FRYL: variants seen among roughly 807,000 people sequenced by gnomAD.
FRYL encodes the protein protein furry homolog-like.
In FRYL, 150 loss-of-function variants were observed where a neutral mutation model predicts 351.2. The ratio of observed to expected loss-of-function variants is 0.43; its 90% CI spans 0.37 to 0.49. The LOEUF (loss-of-function observed/expected upper bound fraction) is 0.49, where lower values mean the gene tolerates loss of function less well. Ranked by LOEUF, FRYL falls within the 20% of genes least tolerant of loss-of-function variation. The pLI, the probability that FRYL is intolerant of heterozygous loss-of-function variation, is 0.00. For missense variants in FRYL, 3,036 were observed against 3,619.3 expected (o/e 0.84, Z 4.13); for synonymous variants, 1,153 against 1,257.1 (o/e 0.92, Z 1.75).
At chr4:48,656,813 T>C (rs1759317628) in intron 3 of FRYL, among the ~76,000 whole-genome samples, 1 of 151,770 alleles carries the variant, frequency 6.6e-6, no homozygotes, top group African/African-American at 2.4e-5. Context: ...AGAGCTTATT[T>C]TGGAAGTTCC....
chr4:48,540,963 T>G lies in FRYL; in HGVS notation c.5688-3A>C. On this transcript the variant is annotated splice_polypyrimidine_tract_variant and splice_region_variant and intron_variant, in intron 45 of 63. Coordinates refer to ENST00000358350, the MANE Select transcript of FRYL (RefSeq NM_015030.2). ...TTATAGGATCATGATATGAGGTTCT[T>G]AAAAAAAAGAAAGAATAGATGAATG... 6.5e-7 allele frequency: 1 copy of G among 1,535,932 alleles called. No homozygotes were observed. Among genetic ancestry groups the G allele is most frequent in the Non-Finnish European group, 8.8e-7 (1 of 1,140,728 alleles).
Position 48,540,038 on chromosome 4 carries a change from G to T in FRYL, c.6326C>A (p.Pro2109His). Residue 2109 changes from proline to histidine, a missense_variant, in exon 47 of 64, where the codon CCT becomes CAT. By Grantham distance (77) the Pro-to-His change is moderately conservative. This residue lies in a region of FRYL where 1,987 missense variants were observed against 2,311.7 expected (regional missense o/e 0.86). Coordinates refer to ENST00000358350, the MANE Select transcript of FRYL (RefSeq NM_015030.2). ...GFPLNILCLLPHLIQHFDSPT... is the reference protein window; with the variant it reads ...GFPLNILCLLHHLIQHFDSPT... ...GCTGTCAAAATGCTGGATTAAGTGAGGCAATAAGCAAAGGATGTTAAGAGG... is the reference window on the plus strand; with the variant it reads ...GCTGTCAAAATGCTGGATTAAGTGATGCAATAAGCAAAGGATGTTAAGAGG... The T allele has an allele frequency of 1.9e-6, 3 of 1,612,948 alleles. No homozygotes were observed. The highest frequency in any genetic ancestry group is 2.5e-6 in the Non-Finnish European group (3 of 1,179,538).
At chr4:48,680,412 C>T (rs1764434597) in intron 3 of FRYL, among the ~76,000 whole-genome samples, 1 of 151,866 alleles carries the variant, frequency 6.6e-6, no homozygotes, top group Admixed American at 6.6e-5. Flanking sequence ...CCATTATCCT[C>T]TCAAACTTTA....
intron 19 of FRYL, 145 bp from the exon 20 acceptor site, chr4:48,582,879 C>T (rs1741223117): frequency 1.6e-6 from 1 of 643,470 alleles, no homozygotes. Context: ...ATCACTTTTT[C>T]ATGCTATATT....
chr4:48,533,348 C>G (rs1728115256), intron 49 of FRYL, among the ~76,000 whole-genome samples: 1 of 151,868 alleles, frequency 6.6e-6, no homozygotes, highest in Admixed American at 6.6e-5. Flanking sequence ...AAGCCTCACT[C>G]ACTGAAGGAT....
intron 1 of FRYL, among the ~76,000 whole-genome samples, chr4:48,714,631 T>C (rs1341939703): frequency 2.0e-5 from 3 of 149,550 alleles, no homozygotes; most frequent in Admixed American, 6.7e-5. Context: ...CAATAATCAA[T>C]AGCTTACCAA....
intron 2 of FRYL, among the ~76,000 whole-genome samples, chr4:48,699,126 G>C (rs1256577852): frequency 2.0e-5 from 3 of 152,098 alleles, no homozygotes; most frequent in Admixed American, 2.0e-4. Flanking sequence ...TGTACCTCTG[G>C]ATTATATTTT....
At chr4:48,758,573 A>C (rs1423949562) in intron 1 of FRYL, among the ~76,000 whole-genome samples, 1 of 152,248 alleles carries the variant, frequency 6.6e-6, no homozygotes, top group East Asian at 1.9e-4. Flanking sequence ...CTAAAAAGTC[A>C]GGAAAGAACA....
chr4:48,668,468 G>C (rs777215449), intron 3 of FRYL, among the ~76,000 whole-genome samples: 1 of 152,024 alleles, frequency 6.6e-6, no homozygotes, highest in African/African-American at 2.4e-5. Flanking sequence ...TGTGCTAGAT[G>C]GTTTTGAAGG....
At chr4:48,715,260 A>T (rs1196065056) in intron 1 of FRYL, among the ~76,000 whole-genome samples, 1 of 151,696 alleles carries the variant, frequency 6.6e-6, no homozygotes, top group East Asian at 1.9e-4. Context: ...ATAGTGTTGG[A>T]AGTTCTGGCC....
chr4:48,700,549 C>T lies in FRYL; in HGVS notation c.-204+9970G>A, dbSNP rs186488301. On this transcript the variant is annotated intron_variant, in intron 2 of 63. Coordinates refer to ENST00000358350, the MANE Select transcript of FRYL (RefSeq NM_015030.2). ...TAGACACAGTGGTCACGCCTGTAAT[C>T]CCAGTACTTGGGGAGGCTGAGGTGG... Among the ~76,000 whole-genome samples the T allele has an allele frequency of 4.7e-3, 721 of 152,244 alleles. 4 individuals carry two copies. The highest frequency in any genetic ancestry group is 0.014 in the Middle Eastern group (4 of 294).
chr4:48,670,636 T>C (rs1762505661), intron 3 of FRYL, among the ~76,000 whole-genome samples: 1 of 152,106 alleles, frequency 6.6e-6, no homozygotes, highest in Non-Finnish European at 1.5e-5. Context: ...ACCATCCTTC[T>C]ACTCTATCTC....
chr4:48,538,779 C>T (rs1729464691), intron 47 of FRYL, among the ~76,000 whole-genome samples: 1 of 151,860 alleles, frequency 6.6e-6, no homozygotes, highest in Non-Finnish European at 1.5e-5. Context: ...ATTCACTCAC[C>T]TCCCCCAGTT....
chr4:48,764,606 G>A (rs1362423192), intron 1 of FRYL, among the ~76,000 whole-genome samples: 2 of 150,558 alleles, frequency 1.3e-5, no homozygotes, highest in African/African-American at 2.4e-5. Flanking sequence ...ATCTGTAAAA[G>A]AAAACAATCC....
chr4:48,718,205 CAT>C (rs1368406004), intron 1 of FRYL, among the ~76,000 whole-genome samples: 2 of 151,548 alleles, frequency 1.3e-5, no homozygotes, highest in Non-Finnish European at 2.9e-5. Flanking sequence ...ACTATAATTA[CAT>C]AGTTTAGTTG....
chr4:48,661,944 GAACT>G (rs554622226), intron 3 of FRYL, among the ~76,000 whole-genome samples: 90 of 152,172 alleles, frequency 5.9e-4, no homozygotes, highest in Non-Finnish European at 1.1e-3. Flanking sequence ...TCACTATGTA[GAACT>G]AACAGAGGAT....
chr4:48,736,901 T>C (rs1342678410), intron 1 of FRYL, among the ~76,000 whole-genome samples: 1 of 137,076 alleles, frequency 7.3e-6, no homozygotes, highest in Non-Finnish European at 1.6e-5. Flanking sequence ...AGAAATACTA[T>C]GAACAATGTG....
chr4:48,738,603 T>C (rs2149641901), intron 1 of FRYL, among the ~76,000 whole-genome samples: 1 of 151,988 alleles, frequency 6.6e-6, no homozygotes, highest in South Asian at 2.1e-4. Flanking sequence ...GCTCAAGTGA[T>C]ACTCCAGCCT....
chr4:48,694,304 C>CT (rs879346831), intron 2 of FRYL, among the ~76,000 whole-genome samples: 166 of 145,696 alleles, frequency 1.1e-3, no homozygotes, highest in Middle Eastern at 3.6e-3. Context: ...ATTTAGAATA[C>CT]TTTTTTTTTT....
Sources: gnomAD v4.1 joint callset for allele counts (sites outside exome capture counted in the v4.1 genomes callset) on GRCh38, gnomAD v4.1.1 for gene constraint, gnomAD v4.1.1 regional missense constraint, MANE v1.5 for transcripts, NCBI Gene and HGNC (gene_info 2026-07-23, HGNC 2026-07-21) for gene names.